Variants in DLC1 observed in about 807,000 individuals in gnomAD.
DLC1 encodes rho GTPase-activating protein 7.
In DLC1, 54 loss-of-function variants were observed where a neutral mutation model predicts 140.3. That is an observed-to-expected ratio of 0.38 (90% CI 0.31 to 0.48). DLC1 has a LOEUF of 0.48. Among genes scored for constraint, DLC1 ranks in the 20% least tolerant of loss-of-function variants. The pLI is 0.96. For synonymous variants in DLC1, 986 were observed against 728.1 expected (o/e 1.35, Z -5.70); for missense variants, 2,536 against 1,907.0 (o/e 1.33, Z -6.14).
intron 16 of DLC1, among the ~76,000 whole-genome samples, chr8:13,087,773 A>T (rs1817689851): frequency 6.6e-6 from 1 of 152,240 alleles, no homozygotes; most frequent in South Asian, 2.1e-4. Context: ...AGATTTTTGG[A>T]ATTCTTCTTT....
chr8:13,447,112 A>G (rs986605812), intron 2 of DLC1, among the ~76,000 whole-genome samples: 10 of 152,320 alleles, frequency 6.6e-5, no homozygotes, highest in African/African-American at 2.2e-4. Flanking sequence ...CCTTCATTGC[A>G]TTAGCTAACA....
chr8:13,390,146 A>C (rs1836686347), intron 4 of DLC1, among the ~76,000 whole-genome samples: 1 of 152,194 alleles, frequency 6.6e-6, no homozygotes, highest in African/African-American at 2.4e-5. Flanking sequence ...TGGCCCAAGA[A>C]TTACTTTTGA....
chr8:13,395,004 T>TTCTATCTATCTATCTATCTA (rs57872249), intron 3 of DLC1, among the ~76,000 whole-genome samples: 17,807 of 100,662 alleles, frequency 0.18, 1,267 homozygotes, highest in Non-Finnish European at 0.21. Flanking sequence ...CTACTACATA[T>TTCTATCTATCTATCTATCTA]TCTATCTATC....
At chr8:13,395,761 G>T (rs917986287) in intron 3 of DLC1, among the ~76,000 whole-genome samples, 2 of 135,614 alleles carry the variant, frequency 1.5e-5, no homozygotes, top group African/African-American at 5.2e-5. Flanking sequence ...GTGTGTGTGT[G>T]CGTGTGCGTG....
intron 5 of DLC1, among the ~76,000 whole-genome samples, chr8:13,291,683 A>T (rs1207580898): frequency 2.6e-5 from 4 of 152,338 alleles, no homozygotes; most frequent in South Asian, 4.1e-4. Context: ...ACAGTAATAA[A>T]TATAAATAAG....
intron 5 of DLC1, among the ~76,000 whole-genome samples, chr8:13,119,717 C>T (rs1318155043): frequency 6.6e-6 from 1 of 151,930 alleles, no homozygotes; most frequent in Non-Finnish European, 1.5e-5. Flanking sequence ...TCTGGGAGGC[C>T]TAGGTGGGAG....
chr8:13,420,347 G>T (rs1481686), intron 2 of DLC1, among the ~76,000 whole-genome samples: 5,831 of 152,124 alleles, frequency 0.038, 547 homozygotes, highest in East Asian at 0.32. Flanking sequence ...AATTGGTAGA[G>T]ACTTACGCTA....
intron 5 of DLC1, among the ~76,000 whole-genome samples, chr8:13,297,895 T>C (rs527630040): frequency 6.6e-6 from 1 of 152,316 alleles, no homozygotes; most frequent in East Asian, 1.9e-4. Context: ...GTTGTTGTTA[T>C]TCATTTGCAT....
intron 5 of DLC1, among the ~76,000 whole-genome samples, chr8:13,136,595 G>A (rs1189644895): frequency 4.6e-5 from 7 of 152,210 alleles, no homozygotes; most frequent in Non-Finnish European, 1.0e-4. Context: ...GCAGCCGAAT[G>A]TCTGTGCATC....
chr8:13,113,344 G>A (rs1264504940), intron 6 of DLC1, among the ~76,000 whole-genome samples: 1 of 152,138 alleles, frequency 6.6e-6, no homozygotes, highest in Non-Finnish European at 1.5e-5. Context: ...CACAGTGGCA[G>A]GAAAAACGGG....
rs772311907 is a variant in DLC1, at chr8:13,305,202, C to T, written c.1348+67G>A. 1.8e-4 allele frequency: 287 copies of T among 1,570,628 alleles called. 1 individual carries two copies. Among genetic ancestry groups the T allele is most frequent in the African/African-American group, 8.2e-5 (6 of 72,938 alleles). ...TACATTTTATATATTTAATAAAATG[C>T]CTATTTTAAGGTGAAATTTATTCTA... On this transcript the variant is annotated intron_variant, in intron 5 of 17. Transcript: ENST00000276297.
At chr8:13,527,694 A>G (rs1016350884) in intron 1 of DLC1, among the ~76,000 whole-genome samples, 17 of 152,244 alleles carry the variant, frequency 1.1e-4, no homozygotes, top group Admixed American at 9.2e-4. Flanking sequence ...AATGAATATT[A>G]TATTTTCCTG....
At chr8:13,350,078 G>C (rs1234932737) in intron 4 of DLC1, among the ~76,000 whole-genome samples, 2 of 152,186 alleles carry the variant, frequency 1.3e-5, no homozygotes, top group East Asian at 3.9e-4. Flanking sequence ...GTGACATTAA[G>C]ATGATCCTGG....
At chr8:13,549,790 C>T (rs1043950230) in intron 1 of DLC1, among the ~76,000 whole-genome samples, 8 of 152,046 alleles carry the variant, frequency 5.3e-5, no homozygotes, top group African/African-American at 1.7e-4. Flanking sequence ...GCATGTCATG[C>T]ATTTGGATTT....
At chr8:13,488,059 T>C (rs1801050202) in intron 2 of DLC1, among the ~76,000 whole-genome samples, 1 of 152,238 alleles carries the variant, frequency 6.6e-6, no homozygotes, top group Non-Finnish European at 1.5e-5. Context: ...ATATGAAATA[T>C]GATCAGCATT....
chr8:13,404,431 C>T (rs750937729), intron 2 of DLC1, among the ~76,000 whole-genome samples: 13 of 152,104 alleles, frequency 8.5e-5, no homozygotes, highest in Non-Finnish European at 1.3e-4. Context: ...CCGAAACACA[C>T]TGGGGTAGGG....
chr8:13,479,830 A>AGAAAG (rs1563383412), intron 2 of DLC1, among the ~76,000 whole-genome samples: 1 of 35,250 alleles, frequency 2.8e-5, no homozygotes, highest in Non-Finnish European at 6.2e-5. Flanking sequence ...GAAGAAGAAG[A>AGAAAG]AGAAGAAGAA....
chr8:13,380,940 T>A (rs1282379265), intron 4 of DLC1, among the ~76,000 whole-genome samples: 3 of 152,198 alleles, frequency 2.0e-5, no homozygotes, highest in Admixed American at 1.3e-4. Flanking sequence ...AGTGAAAACA[T>A]CCACCTCCAA....
intron 5 of DLC1, among the ~76,000 whole-genome samples, chr8:13,149,090 C>G (rs1214958911): frequency 6.6e-6 from 1 of 152,132 alleles, no homozygotes; most frequent in Non-Finnish European, 1.5e-5. Context: ...CTGCGCCCAG[C>G]CAATAATATT....
Sources: gnomAD v4.1 joint callset for allele counts (sites outside exome capture counted in the v4.1 genomes callset) on GRCh38, gnomAD v4.1.1 for gene constraint, MANE v1.5 for transcripts, NCBI Gene and HGNC (gene_info 2026-07-23, HGNC 2026-07-21) for gene names.